The following AACS variants were observed in gnomAD, a reference collection of about 807,000 sequenced individuals.
AACS encodes acetoacetyl-CoA synthetase, also known as acetoacetate-CoA ligase.
A neutral mutation model predicts 83.1 loss-of-function variants in AACS; 69 were observed. The ratio of observed to expected loss-of-function variants is 0.83; its 90% confidence interval spans 0.68 to 1.01. AACS has a LOEUF of 1.01. AACS is among the 50% of genes least tolerant of loss of function. The pLI is 0.00. For missense variants in AACS, 866 were observed against 882.2 expected (o/e 0.98, Z 0.23); for synonymous variants, 333 against 343.4 (o/e 0.97, Z 0.33).
At chr12:125,098,888 C>G (rs913965426) in intron 5 of AACS, among the ~76,000 whole-genome samples, 4 of 152,222 alleles carry the variant, frequency 2.6e-5, no homozygotes, top group Admixed American at 6.5e-5. Context: ...TTGTGTGCAG[C>G]TGTTCCCATT....
chr12:125,105,575 A>G (rs1437372132), intron 7 of AACS: 1 of 152,230 alleles, frequency 6.6e-6, no homozygotes, highest in Admixed American at 6.5e-5. Context: ...TCTGAATAAT[A>G]TTCATCAGCA....
rs73421867 is a variant in AACS at position 125,076,150 on chromosome 12, C to T, written c.238-341C>T. ...GGGGCAGGTGGTCCTGGAGCTTGCT[C>T]TCCTGGTTTCCATGCGTCTGGGCAG... On this transcript the variant is annotated intron_variant, in intron 2 of 17. Coordinates refer to ENST00000316519, the MANE Select transcript of AACS (RefSeq NM_023928.5). Among the ~76,000 whole-genome samples, 918 of 152,308 alleles carry T rather than the reference C, an allele frequency of 6.0e-3. 17 individuals are homozygous for T. Among genetic ancestry groups the T allele is most frequent in the African/African-American group, 0.021 (882 of 41,560 alleles).
At chr12:125,076,451 C>T (rs773932854) in intron 2 of AACS, 40 bp from the exon 3 acceptor site, 2 of 1,608,292 alleles carry the variant, frequency 1.2e-6, no homozygotes, top group African/African-American at 1.3e-5. Context: ...GTAGCGTAGT[C>T]TCATGTGTGT....
In AACS at chr12:125,094,551, G is replaced by C. The variant is rs1956560638; in HGVS notation, c.570+3028G>C. Among the ~76,000 whole-genome samples the C allele has an allele frequency of 6.6e-6, 1 of 152,138 alleles. No homozygotes were observed. The highest frequency in any genetic ancestry group is 1.5e-5 in the Non-Finnish European group (1 of 68,024). On this transcript the variant is annotated intron_variant, in intron 5 of 17. Transcript: ENST00000316519. The surrounding 1 kb of genome is among the most constrained non-coding windows in gnomAD (Gnocchi z 4.1). ...GCAGAGCCACAGACCGCAGTGGGCT[G>C]TCCAGGGAGTGCTGGGGCATCCGTC...
intron 8 of AACS, among the ~76,000 whole-genome samples, chr12:125,112,577 G>A (rs1411937368): frequency 1.3e-5 from 2 of 151,612 alleles, no homozygotes; most frequent in Non-Finnish European, 2.9e-5. Context: ...CTACTTGGGA[G>A]GCTGAGGCAG....
At chr12:125,125,539 A>G (rs937534435) in intron 12 of AACS, among the ~76,000 whole-genome samples, 16 of 152,202 alleles carry the variant, frequency 1.1e-4, no homozygotes, top group African/African-American at 3.4e-4. Context: ...CTGCTCTGCA[A>G]TGTCTGAGAG....
rs374902262 is a variant in AACS, at chr12:125,142,244, C to T, written c.*15C>T. ...AGGGCTTCTGAGTCAGACTGGCTGG[C>T]GTGTCACTCAGCCGCACCCGTGTGC... On this transcript the variant is annotated 3_prime_UTR_variant, in exon 18 of 18. Transcript: ENST00000316519. 4.8e-5 allele frequency: 78 copies of T among 1,612,624 alleles called. No homozygotes were observed. In the Middle Eastern group the frequency reaches 1.5e-3, roughly 31 times the overall value.
In AACS at chr12:125,065,485, C is replaced by T; in HGVS notation, c.-100C>T. On this transcript the variant is annotated 5_prime_UTR_variant, in exon 1 of 18. Coordinates refer to ENST00000316519, the MANE Select transcript of AACS (RefSeq NM_023928.5). ...TCGCTGACCCAGCCCGCCAGGCGCT[C>T]CTGACCGTCGCTTCCTCCGGTCCCA... The T allele has an allele frequency of 3.9e-6, 5 of 1,281,974 alleles. No homozygotes were observed. Among genetic ancestry groups the T allele is most frequent in the Non-Finnish European group, 5.0e-6 (5 of 990,376 alleles). The allele number at this position is 1,281,974 out of a possible 1,614,324, so 79.4% of individuals were successfully genotyped here.
intron 4 of AACS, among the ~76,000 whole-genome samples, chr12:125,090,346 T>C (rs1033519730): frequency 1.2e-4 from 18 of 149,842 alleles, no homozygotes; most frequent in African/African-American, 4.5e-4. Flanking sequence ...TCTCTCCACC[T>C]ACCCATTTAT....
At chr12:125,083,263 A>C (rs956057112) in intron 3 of AACS, among the ~76,000 whole-genome samples, 5 of 152,184 alleles carry the variant, frequency 3.3e-5, no homozygotes, top group African/African-American at 1.2e-4. Flanking sequence ...CCTCCTCCAG[A>C]GGCTTCCTCA....
At position 125,065,458 on chromosome 12, in the gene AACS, C is replaced by T. The variant is rs939597492; in HGVS notation, c.-127C>T. The T allele has an allele frequency of 9.4e-7, 1 of 1,065,954 alleles. No individual in the cohort carries two copies. Among genetic ancestry groups the T allele is most frequent in the Non-Finnish European group, 1.2e-6 (1 of 802,642 alleles). The allele number at this position is 1,065,954 out of a possible 1,614,324, so 66.0% of individuals were successfully genotyped here. The stretch of plus-strand genomic sequence containing the variant: ...TCAGTCCCTTGTTCCCCGCCGCCGC[C>T]GTCGCTGACCCAGCCCGCCAGGCGC... On this transcript the variant is annotated 5_prime_UTR_variant, in exon 1 of 18. Transcript: ENST00000316519.
intron 1 of AACS, 99 bp downstream of exon 1, chr12:125,065,816 T>C: frequency 7.2e-7 from 1 of 1,383,316 alleles, no homozygotes; most frequent in South Asian, 1.7e-5. Flanking sequence ...CTTCTGGGGC[T>C]GGAGGAGCCA....
At position 125,094,978 on chromosome 12, in the gene AACS, CGTGTGTGTGTGT is replaced by C. The variant is rs57643228; in HGVS notation, c.570+3490_570+3501del. 0.017 allele frequency among the ~76,000 whole-genome samples: 2,481 copies of C among 145,296 alleles called. 39 individuals are homozygous for C. Among genetic ancestry groups the C allele is most frequent in the African/African-American group, 0.034 (1,316 of 39,264 alleles). On this transcript the variant is annotated intron_variant, in intron 5 of 17. Transcript: ENST00000316519. The surrounding 1 kb of genome is among the most constrained non-coding windows in gnomAD (Gnocchi z 4.1). ...TCCTCCTGAAGTGCCATCAGGTGGC[CGTGTGTGTGTGT>C]GTGTGTGTGTGTGTGTGTGTGTGTG...
At chr12:125,077,610 G>A (rs1428083322) in intron 3 of AACS, among the ~76,000 whole-genome samples, 1 of 152,006 alleles carries the variant, frequency 6.6e-6, no homozygotes, top group Non-Finnish European at 1.5e-5. Context: ...AACTGAAGTC[G>A]TGTTCTGCCT....
intron 10 of AACS, chr12:125,120,914 A>G (rs180772938): frequency 6.6e-6 from 1 of 152,488 alleles, no homozygotes; most frequent in Non-Finnish European, 1.5e-5. Flanking sequence ...GTGTGCATGT[A>G]TAGGTGTCGG....
chr12:125,070,217 A>G (rs1955823266), intron 1 of AACS, among the ~76,000 whole-genome samples: 1 of 152,188 alleles, frequency 6.6e-6, no homozygotes, highest in African/African-American at 2.4e-5. Context: ...TGCTGCCCCC[A>G]GACCATCCCT....
chr12:125,133,400 G>A (rs1055015020), intron 14 of AACS, among the ~76,000 whole-genome samples: 3 of 152,184 alleles, frequency 2.0e-5, no homozygotes, highest in Admixed American at 1.3e-4. Flanking sequence ...GGCCACTCAC[G>A]TGGCCTGCTG....
chr12:125,076,670 A>C, intron 3 of AACS, 59 bp downstream of exon 3: 1 of 1,603,502 alleles, frequency 6.2e-7, no homozygotes, highest in Non-Finnish European at 8.5e-7. Context: ...TGGTGCATGC[A>C]TGCGGTGCCA....
chr12:125,137,895 C>T (rs578003029), intron 17 of AACS, among the ~76,000 whole-genome samples: 1 of 152,332 alleles, frequency 6.6e-6, no homozygotes, highest in Non-Finnish European at 1.5e-5. Flanking sequence ...TGCCCGGGAG[C>T]AGGGCTGATT....
Sources: allele counts gnomAD v4.1 joint callset (sites outside exome capture counted in the v4.1 genomes callset), GRCh38; gene constraint gnomAD v4.1.1; non-coding constraint Gnocchi (gnomAD v3.1); transcripts MANE v1.5; gene names NCBI Gene and HGNC (gene_info 2026-07-23, HGNC 2026-07-21).